OPCML: variants seen among roughly 807,000 people sequenced by gnomAD.
OPCML encodes the protein opioid-binding protein/cell adhesion molecule.
Under a neutral mutation model 37.8 loss-of-function variants are expected in OPCML, and 13 were observed. The ratio of observed to expected loss-of-function variants is 0.34; its 90% CI spans 0.22 to 0.55. The LOEUF (loss-of-function observed/expected upper bound fraction) is 0.55. OPCML is among the 20% of genes least tolerant of loss of function. OPCML has a pLI of 0.91. For synonymous variants in OPCML, 176 were observed against 168.8 expected, an observed-to-expected ratio of 1.04 and a Z score of -0.33; for missense variants, 341 against 435.6, an observed-to-expected ratio of 0.78 and a Z score of 1.93.
At chr11:132,616,151 T>C (rs145719877) in intron 3 of OPCML, among the ~76,000 whole-genome samples, 7 of 152,224 alleles carry the variant, frequency 4.6e-5, no homozygotes, top group Non-Finnish European at 1.0e-4. Context: ...TCTACCTTCA[T>C]CTTTGGAGAC....
intron 3 of OPCML, among the ~76,000 whole-genome samples, chr11:132,558,933 A>G (rs927239099): frequency 1.3e-5 from 2 of 152,144 alleles, no homozygotes; most frequent in African/African-American, 4.8e-5. Context: ...CCCCATCCCA[A>G]CCAGAGCACA....
intron 1 of OPCML, among the ~76,000 whole-genome samples, chr11:132,977,555 T>A (rs2136776831): frequency 6.6e-6 from 1 of 152,342 alleles, no homozygotes; most frequent in South Asian, 2.1e-4. Context: ...GTGGCCATAT[T>A]TTTTTCATAT....
intron 1 of OPCML, among the ~76,000 whole-genome samples, chr11:133,027,192 G>A (rs1947570320): frequency 6.6e-6 from 1 of 152,202 alleles, no homozygotes; most frequent in Non-Finnish European, 1.5e-5. Context: ...TGATGTTCCT[G>A]AAACCCTCTC....
At chr11:133,180,838 CAAA>C (rs34333844) in intron 1 of OPCML, among the ~76,000 whole-genome samples, 5 of 93,586 alleles carry the variant, frequency 5.3e-5, no homozygotes, top group Non-Finnish European at 6.7e-5. Flanking sequence ...CTCAGCAAAG[CAAA>C]AAAAAAAAAA....
chr11:133,505,760 C>G (rs1948016508), intron 1 of OPCML, among the ~76,000 whole-genome samples: 1 of 152,210 alleles, frequency 6.6e-6, no homozygotes, highest in Non-Finnish European at 1.5e-5. Flanking sequence ...AGAAAGAGGA[C>G]ATGAATTATA....
At chr11:133,094,383 A>T (rs1032223217) in intron 1 of OPCML, among the ~76,000 whole-genome samples, 14 of 152,294 alleles carry the variant, frequency 9.2e-5, no homozygotes, top group Middle Eastern at 3.4e-3. Context: ...GCAAATGTTC[A>T]GATATTATTT....
intron 2 of OPCML, among the ~76,000 whole-genome samples, chr11:132,936,598 G>C (rs114057178): frequency 6.6e-6 from 1 of 152,188 alleles, no homozygotes; most frequent in African/African-American, 2.4e-5. Flanking sequence ...GTATTATCCT[G>C]TAGTGGCGCT....
chr11:133,347,187 G>A (rs977896239), intron 1 of OPCML, among the ~76,000 whole-genome samples: 1 of 152,178 alleles, frequency 6.6e-6, no homozygotes, highest in African/African-American at 2.4e-5. Flanking sequence ...CTTTGCTTCA[G>A]TTTTAAGCAT....
rs1426149249 is a variant in OPCML at position 132,907,004 on chromosome 11, G to A, written c.146+35922C>T. On this transcript the variant is annotated intron_variant, in intron 2 of 7. Transcript: ENST00000524381. ...GACAAGGCAAATATGCTGGCTTCCT[G>A]GATCTGACAATCATCCCCTATCCTG... Among the ~76,000 whole-genome samples the A allele has an allele frequency of 3.9e-5, 6 of 152,258 alleles. No homozygotes were observed. In the East Asian group the frequency reaches 1.2e-3, roughly 29 times the overall value.
At chr11:132,527,241 A>C (rs1208859135) in intron 4 of OPCML, among the ~76,000 whole-genome samples, 1 of 152,172 alleles carries the variant, frequency 6.6e-6, no homozygotes, top group African/African-American at 2.4e-5. Context: ...ATCTTGAATA[A>C]ATGCCTAGGA....
chr11:133,211,633 T>C lies in OPCML; in HGVS notation c.62-268623A>G, dbSNP rs1939363381. On this transcript the variant is annotated intron_variant, in intron 1 of 7. Transcript: ENST00000524381. The surrounding 1 kb of genome is among the most constrained non-coding windows in gnomAD (Gnocchi z 4.1). ...GCTGAGGTACCCAGAGGCCCTTCCC[T>C]AATAGCTGGAATTGTATATCTTGTA... 6.6e-6 allele frequency among the ~76,000 whole-genome samples: 1 copy of C among 152,226 alleles called. No individual in the cohort carries two copies. The highest frequency in any genetic ancestry group is 1.5e-5 in the Non-Finnish European group (1 of 68,034).
intron 2 of OPCML, among the ~76,000 whole-genome samples, chr11:132,732,795 A>G (rs1405814216): frequency 3.4e-5 from 5 of 147,924 alleles, no homozygotes; most frequent in Non-Finnish European, 5.9e-5. Context: ...TGAATGACAC[A>G]GGTTGAAATA....
rs1423590281 is a variant in OPCML at position 132,546,025 on chromosome 11, C to G, written c.380-16839G>C. Among the ~76,000 whole-genome samples, 3 of 152,214 alleles carry G rather than the reference C, an allele frequency of 2.0e-5. No individual in the cohort carries two copies. In the East Asian group the frequency reaches 5.8e-4, roughly 29 times the overall value. On this transcript the variant is annotated intron_variant, in intron 3 of 7. Transcript: ENST00000524381. ...ACCATTGTTCCAATCCACTAAAAAC[C>G]TGTGAGATAACCTGTTTCCCCAGAA...
intron 2 of OPCML, among the ~76,000 whole-genome samples, chr11:132,761,613 G>A (rs1591571951): frequency 6.6e-6 from 1 of 151,818 alleles, no homozygotes; most frequent in African/African-American, 2.4e-5. Context: ...ATCGATACTT[G>A]TGTATGCTTC....
intron 1 of OPCML, among the ~76,000 whole-genome samples, chr11:133,306,597 C>A (rs1308941287): frequency 2.0e-5 from 3 of 149,566 alleles, no homozygotes; most frequent in Non-Finnish European, 4.4e-5. Context: ...ACTGTGATAA[C>A]AATGACAAGA....
At chr11:132,486,827 C>T (rs906893439) in intron 4 of OPCML, among the ~76,000 whole-genome samples, 1 of 152,016 alleles carries the variant, frequency 6.6e-6, no homozygotes, top group East Asian at 1.9e-4. Flanking sequence ...AAAGCTTAAC[C>T]AAGGAGAGCC....
At chr11:133,495,309 G>A (rs1000793975) in intron 1 of OPCML, among the ~76,000 whole-genome samples, 13 of 152,150 alleles carry the variant, frequency 8.5e-5, no homozygotes, top group African/African-American at 3.1e-4. Context: ...TTGATTGATT[G>A]GTATTTGGGT....
At chr11:132,941,148 C>A (rs190877721) in intron 2 of OPCML, among the ~76,000 whole-genome samples, 1 of 152,256 alleles carries the variant, frequency 6.6e-6, no homozygotes, top group East Asian at 1.9e-4. Flanking sequence ...CATTCCCATT[C>A]CCAAGCCCAG....
At chr11:132,981,122 T>C (rs11223312) in intron 1 of OPCML, among the ~76,000 whole-genome samples, 27,805 of 152,274 alleles carry the variant, frequency 0.18, 2,828 homozygotes, top group African/African-American at 0.23. Context: ...CAGTTCATCA[T>C]TGATCCAAAC....
Sources: gnomAD v4.1 joint callset for allele counts (sites outside exome capture counted in the v4.1 genomes callset) on GRCh38, gnomAD v4.1.1 for gene constraint, Gnocchi (gnomAD v3.1) non-coding constraint, MANE v1.5 for transcripts, NCBI Gene and HGNC (gene_info 2026-07-23, HGNC 2026-07-21) for gene names.